Variants in CCSER1 observed in about 807,000 individuals in gnomAD.
CCSER1 encodes the protein serine-rich coiled-coil domain-containing protein 1.
Under a neutral mutation model 82.0 loss-of-function variants are expected in CCSER1, and 41 were observed. That is an observed-to-expected ratio of 0.50 (90% CI 0.39 to 0.65). The LOEUF (loss-of-function observed/expected upper bound fraction) is 0.65. CCSER1 is among the 30% of genes least tolerant of loss of function. The probability of loss-of-function intolerance (pLI) is 0.00; values close to 1 mark genes in which losing one functional copy is unlikely to be tolerated. For missense variants in CCSER1, 1,119 were observed against 1,064.2 expected, an observed-to-expected ratio of 1.05 and a Z score of -0.72; for synonymous variants, 414 against 383.9, an observed-to-expected ratio of 1.08 and a Z score of -0.92.
At chr4:90,702,545 T>C (rs1055827650) in intron 6 of CCSER1, among the ~76,000 whole-genome samples, 1 of 152,228 alleles carries the variant, frequency 6.6e-6, no homozygotes, top group Admixed American at 6.5e-5. Flanking sequence ...TCAGAAGGAA[T>C]GGTACCAGCT....
chr4:90,578,191 T>C (rs1170190878), intron 5 of CCSER1, among the ~76,000 whole-genome samples: 2 of 152,224 alleles, frequency 1.3e-5, no homozygotes, highest in African/African-American at 4.8e-5. Context: ...ACTTCTTCTG[T>C]AATAAATTAC....
chr4:90,298,002 G>T (rs1037049442), intron 1 of CCSER1, among the ~76,000 whole-genome samples: 4 of 152,130 alleles, frequency 2.6e-5, no homozygotes, highest in Non-Finnish European at 2.9e-5. Flanking sequence ...GATGATGCTG[G>T]CCTCATAAAA....
intron 5 of CCSER1, among the ~76,000 whole-genome samples, chr4:90,512,261 A>T (rs1464770187): frequency 6.6e-6 from 1 of 151,324 alleles, no homozygotes; most frequent in Non-Finnish European, 1.5e-5. Context: ...TCTGGGTTCT[A>T]CTATGGTGCC....
At chr4:90,261,521 G>A (rs1724332276) in intron 1 of CCSER1, among the ~76,000 whole-genome samples, 1 of 152,126 alleles carries the variant, frequency 6.6e-6, no homozygotes, top group African/African-American at 2.4e-5. Context: ...TTGTCTCACA[G>A]CTCTTAGAAT....
At chr4:90,563,232 C>A (rs1778989668) in intron 5 of CCSER1, among the ~76,000 whole-genome samples, 1 of 152,118 alleles carries the variant, frequency 6.6e-6, no homozygotes, top group Admixed American at 6.5e-5. Flanking sequence ...CTGCCCCAGC[C>A]TCCCAAGTAG....
chr4:91,405,402 A>T (rs1752633735), intron 10 of CCSER1, among the ~76,000 whole-genome samples: 1 of 152,232 alleles, frequency 6.6e-6, no homozygotes. Context: ...GGCATGGGCA[A>T]GGACTTCATG....
chr4:90,613,767 T>C (rs1051342655), intron 5 of CCSER1, among the ~76,000 whole-genome samples: 1 of 152,280 alleles, frequency 6.6e-6, no homozygotes, highest in East Asian at 1.9e-4. Context: ...GGACGTGATT[T>C]CTTCCTGTGC....
chr4:91,279,544 C>T (rs1742750084), intron 10 of CCSER1, among the ~76,000 whole-genome samples: 1 of 151,900 alleles, frequency 6.6e-6, no homozygotes, highest in Non-Finnish European at 1.5e-5. Context: ...AAGCTTTGAG[C>T]ATTTTGTATT....
intron 6 of CCSER1, among the ~76,000 whole-genome samples, chr4:90,693,800 A>G (rs953576771): frequency 6.6e-6 from 1 of 151,900 alleles, no homozygotes; most frequent in African/African-American, 2.4e-5. Flanking sequence ...GCTATCAAAG[A>G]TAAACCACAG....
chr4:90,348,082 A>G (rs62312889), intron 3 of CCSER1, among the ~76,000 whole-genome samples: 6,534 of 152,226 alleles, frequency 0.043, 197 homozygotes, highest in Non-Finnish European at 0.062. Flanking sequence ...ATATGGACAC[A>G]TGGAGGGGAA....
chr4:90,878,401 A>G (rs562798199), intron 8 of CCSER1, among the ~76,000 whole-genome samples: 1 of 152,144 alleles, frequency 6.6e-6, no homozygotes, highest in Non-Finnish European at 1.5e-5. Context: ...TTCTTAATTC[A>G]TTTGTACCTC....
chr4:91,429,182 C>T (rs1473370539), intron 10 of CCSER1, among the ~76,000 whole-genome samples: 1 of 151,876 alleles, frequency 6.6e-6, no homozygotes. Context: ...ATATTATGTA[C>T]TAATCCTACC....
intron 10 of CCSER1, among the ~76,000 whole-genome samples, chr4:91,318,211 CA>C (rs1209949202): frequency 6.6e-6 from 1 of 151,904 alleles, no homozygotes; most frequent in African/African-American, 2.4e-5. Flanking sequence ...CCTGATACTT[CA>C]ATAGGGAATT....
In CCSER1 at chr4:91,496,575, TATATATATATACACGAATATATATTTGA is replaced by T. The variant is rs1313796423; in HGVS notation, c.2218-101957_2218-101930del. On this transcript the variant is annotated intron_variant, in intron 10 of 10. Coordinates refer to ENST00000509176, the MANE Select transcript of CCSER1 (RefSeq NM_001145065.2). ...TTGGCATAAATCTTGTATATATATA[TATATATATATACACGAATATATATTTGA>T]ATATATATATACACGAATATATATT... is the stretch of plus-strand genomic sequence containing the variant. Among the ~76,000 whole-genome samples the T allele has an allele frequency of 3.6e-4, 26 of 71,898 alleles. 1 individual carries two copies. Among genetic ancestry groups the T allele is most frequent in the East Asian group, 2.2e-3 (5 of 2,280 alleles). The allele number at this position is 71,898 out of a possible 152,430, so 47.2% of individuals were successfully genotyped here. A position where few individuals can be genotyped will look rare whatever the true frequency, so the allele number is the denominator to read the frequency against.
At chr4:90,145,937 C>T (rs1477454461) in intron 1 of CCSER1, among the ~76,000 whole-genome samples, 1 of 151,922 alleles carries the variant, frequency 6.6e-6, no homozygotes, top group Non-Finnish European at 1.5e-5. Context: ...GACAAATAAA[C>T]AGCTGAAGAT....
chr4:90,616,736 CACAAATAAAAT>C (rs1411634944), intron 5 of CCSER1, among the ~76,000 whole-genome samples: 1 of 60,388 alleles, frequency 1.7e-5, no homozygotes, highest in African/African-American at 9.4e-5. Context: ...CACACACACA[CACAAATAAAAT>C]AAAATAAAAG....
intron 10 of CCSER1, among the ~76,000 whole-genome samples, chr4:91,265,948 G>A (rs891649580): frequency 6.6e-6 from 1 of 152,078 alleles, no homozygotes; most frequent in Admixed American, 6.5e-5. Context: ...GAAGGCAAAA[G>A]GCACTTCTTA....
intron 5 of CCSER1, among the ~76,000 whole-genome samples, chr4:90,508,208 T>A (rs1770979392): frequency 1.3e-5 from 2 of 152,046 alleles, no homozygotes; most frequent in South Asian, 4.1e-4. Context: ...GCAGTTACGT[T>A]GGGTATACAG....
At chr4:91,414,909 A>C (rs1478313205) in intron 10 of CCSER1, among the ~76,000 whole-genome samples, 1 of 152,166 alleles carries the variant, frequency 6.6e-6, no homozygotes, top group East Asian at 1.9e-4. Flanking sequence ...ATATGCACCC[A>C]AAATTGACAC....
Sources: gnomAD v4.1 joint callset for allele counts (sites outside exome capture counted in the v4.1 genomes callset) on GRCh38, gnomAD v4.1.1 for gene constraint, MANE v1.5 for transcripts, NCBI Gene and HGNC (gene_info 2026-07-23, HGNC 2026-07-21) for gene names.